The following TRPM3 variants were observed in gnomAD, a reference collection of about 807,000 sequenced individuals.
The protein encoded by TRPM3 is transient receptor potential cation channel subfamily M member 3.
TRPM3 carries 77 observed loss-of-function variants against 181.2 expected under a neutral mutation model. That is an observed-to-expected ratio of 0.42 (90% CI 0.35 to 0.51). TRPM3 has a LOEUF of 0.51. Ranked by LOEUF, TRPM3 falls within the 20% of genes least tolerant of loss-of-function variation. The probability of loss-of-function intolerance (pLI) is 0.01; values close to 1 mark genes in which losing one functional copy is unlikely to be tolerated. For synonymous variants in TRPM3, 745 were observed against 796.4 expected, an observed-to-expected ratio of 0.94 and a Z score of 1.09; for missense variants, 1,759 against 2,196.7, an observed-to-expected ratio of 0.80 and a Z score of 3.98.
In TRPM3 at chr9:71,107,175, C is replaced by T. The variant is rs150168732; in HGVS notation, c.177+14003G>A. 2.0e-4 allele frequency among the ~76,000 whole-genome samples: 31 copies of T among 152,302 alleles called. No individual in the cohort carries two copies. In the East Asian group the frequency reaches 4.6e-3, roughly 23 times the overall value. ...AACCCTGCACAGAGGCAGTCCCTCACGCCACTCTCTTCAGCCCACTCCACC... is the reference window on the plus strand; with the variant it reads ...AACCCTGCACAGAGGCAGTCCCTCATGCCACTCTCTTCAGCCCACTCCACC... On this transcript the variant is annotated intron_variant, in intron 1 of 25. Transcript: ENST00000677713.
chr9:71,202,293 T>C (rs1434468926), intron 1 of TRPM3, among the ~76,000 whole-genome samples: 1 of 144,160 alleles, frequency 6.9e-6, no homozygotes, highest in Non-Finnish European at 1.5e-5. Context: ...AGGGACCCAC[T>C]TGAGGAGGCA....
intron 1 of TRPM3, among the ~76,000 whole-genome samples, chr9:71,295,346 C>T (rs1385324240): frequency 6.6e-6 from 1 of 150,910 alleles, no homozygotes; most frequent in Non-Finnish European, 1.5e-5. Flanking sequence ...AGAGCTCATG[C>T]CGAATGTTGA....
chr9:71,386,039 G>A (rs576484150), intron 1 of TRPM3, among the ~76,000 whole-genome samples: 6 of 152,022 alleles, frequency 3.9e-5, no homozygotes, highest in African/African-American at 1.4e-4. Flanking sequence ...AAGTCAACAA[G>A]TAGTAGTAGC....
intron 1 of TRPM3, among the ~76,000 whole-genome samples, chr9:71,193,708 C>A (rs182770283): frequency 6.6e-6 from 1 of 152,048 alleles, no homozygotes; most frequent in Admixed American, 6.6e-5. Flanking sequence ...CTTTTCTATT[C>A]TCTTGTATTA....
chr9:71,245,342 G>A (rs2081972208), intron 1 of TRPM3, among the ~76,000 whole-genome samples: 1 of 151,696 alleles, frequency 6.6e-6, no homozygotes, highest in Non-Finnish European at 1.5e-5. Flanking sequence ...TACTTGGGAG[G>A]CTGAGACAGG....
chr9:70,763,666 G>C (rs1242326537), intron 7 of TRPM3, among the ~76,000 whole-genome samples: 3 of 152,126 alleles, frequency 2.0e-5, no homozygotes, highest in African/African-American at 7.2e-5. Context: ...CAAATGCATA[G>C]TGAATGTCTA....
intron 1 of TRPM3, among the ~76,000 whole-genome samples, chr9:71,402,495 T>C (rs886631474): frequency 6.6e-6 from 1 of 152,206 alleles, no homozygotes; most frequent in African/African-American, 2.4e-5. Context: ...GTAGCATTTC[T>C]CCTGTGTATT....
chr9:70,935,789 A>AT (rs1162900862), intron 1 of TRPM3, among the ~76,000 whole-genome samples: 1 of 152,134 alleles, frequency 6.6e-6, no homozygotes, highest in Admixed American at 6.6e-5. Context: ...GAAGTGGCAG[A>AT]TTTTTTCCCC....
At chr9:71,357,732 TA>T (rs61173147) in intron 1 of TRPM3, among the ~76,000 whole-genome samples, 3,232 of 148,886 alleles carry the variant, frequency 0.022, 44 homozygotes, top group Middle Eastern at 0.031. Flanking sequence ...ATGCTTTCCA[TA>T]AAAAAAAAAA....
At chr9:70,903,988 C>T (rs1263173279) in intron 1 of TRPM3, among the ~76,000 whole-genome samples, 1 of 151,700 alleles carries the variant, frequency 6.6e-6, no homozygotes, top group Non-Finnish European at 1.5e-5. Flanking sequence ...TTTGGAAGAC[C>T]AAGGCAGGAG....
Position 70,616,188 on chromosome 9 carries a change from G to A in TRPM3, c.2359-113C>T, listed in dbSNP as rs2062751350. On this transcript the variant is annotated intron_variant, in intron 17 of 25. Coordinates refer to ENST00000677713, the MANE Select transcript of TRPM3 (RefSeq NM_001366145.2). ...GGGGTATAAGAGTGTATGCGTGTGTGTGTGTACACATGCACACACAGTTGT... is the reference window on the plus strand; with the variant it reads ...GGGGTATAAGAGTGTATGCGTGTGTATGTGTACACATGCACACACAGTTGT... The A allele has an allele frequency of 1.1e-5, 8 of 708,628 alleles. No homozygotes were observed. In the East Asian group the frequency reaches 1.7e-4, roughly 15 times the overall value. 43.9% of individuals were successfully genotyped at this position (708,628 alleles called of 1,614,324 possible).
chr9:70,650,712 T>C (rs774104893), intron 9 of TRPM3, among the ~76,000 whole-genome samples: 1 of 152,202 alleles, frequency 6.6e-6, no homozygotes, highest in Non-Finnish European at 1.5e-5. Context: ...TTCATTTTTG[T>C]TCGCATTTCT....
chr9:71,226,009 TAAAAAA>T, intron 1 of TRPM3, among the ~76,000 whole-genome samples: 5 of 34,706 alleles, frequency 1.4e-4, no homozygotes, highest in East Asian at 7.9e-4. Context: ...CAACAAAAGG[TAAAAAA>T]AAAAAAAAAA....
rs533686357 is a variant in TRPM3 at position 70,789,902 on chromosome 9, G to T, written c.974-5623C>A. Among the ~76,000 whole-genome samples, 211 of 152,308 alleles carry T rather than the reference G, an allele frequency of 1.4e-3. 1 individual carries two copies. The highest frequency in any genetic ancestry group is 6.8e-3 in the South Asian group (33 of 4,832). On this transcript the variant is annotated intron_variant, in intron 6 of 25. Transcript: ENST00000677713. ...GCCGGGGCTCCCAATAAAGCTAAAA[G>T]TGTCTAAACTGCCATAAGAAAAGAC... is the stretch of plus-strand genomic sequence containing the variant.
chr9:70,926,847 G>A (rs1035014317), intron 1 of TRPM3, among the ~76,000 whole-genome samples: 2 of 152,186 alleles, frequency 1.3e-5, no homozygotes, highest in Admixed American at 6.5e-5. Flanking sequence ...CAACCTTGCA[G>A]ATTTAAGATT....
chr9:71,415,211 G>GA (rs2093618184), intron 1 of TRPM3, among the ~76,000 whole-genome samples: 1 of 152,056 alleles, frequency 6.6e-6, no homozygotes, highest in Non-Finnish European at 1.5e-5. Flanking sequence ...ACAAGGAACA[G>GA]ATTCTCTCCT....
intron 8 of TRPM3, among the ~76,000 whole-genome samples, chr9:70,742,407 C>T (rs536389864): frequency 9.8e-4 from 149 of 152,120 alleles, no homozygotes; most frequent in African/African-American, 3.4e-3. Flanking sequence ...GCATATCCAT[C>T]ACATCAAATA....
intron 1 of TRPM3, among the ~76,000 whole-genome samples, chr9:71,190,482 C>T (rs532641830): frequency 5.9e-5 from 9 of 151,898 alleles, no homozygotes; most frequent in Middle Eastern, 6.8e-3. Context: ...TTCCCACATC[C>T]GATAATCTTA....
intron 7 of TRPM3, among the ~76,000 whole-genome samples, chr9:70,778,143 G>A (rs922747065): frequency 1.4e-4 from 22 of 152,180 alleles, no homozygotes; most frequent in African/African-American, 4.8e-4. Flanking sequence ...CAGTCATCCA[G>A]GCTGACCCTC....
Sources: gnomAD v4.1 joint callset for allele counts (sites outside exome capture counted in the v4.1 genomes callset) on GRCh38, gnomAD v4.1.1 for gene constraint, MANE v1.5 for transcripts, NCBI Gene and HGNC (gene_info 2026-07-23, HGNC 2026-07-21) for gene names.